The following GSG1L variants were observed in gnomAD, a reference collection of about 807,000 sequenced individuals.
GSG1L encodes GSG1 like.
Under a neutral mutation model 42.1 loss-of-function variants are expected in GSG1L, and 24 were observed. The ratio of observed to expected loss-of-function variants is 0.57; its 90% CI spans 0.41 to 0.80. The LOEUF (loss-of-function observed/expected upper bound fraction) is 0.80, where lower values mean the gene tolerates loss of function less well. GSG1L is among the 30% of genes least tolerant of loss of function. The probability of loss-of-function intolerance (pLI) is 0.00; values close to 1 mark genes in which losing one functional copy is unlikely to be tolerated. For synonymous variants in GSG1L, 215 were observed against 203.5 expected (o/e 1.06, Z -0.48); for missense variants, 445 against 472.2 (o/e 0.94, Z 0.53).
In GSG1L at chr16:27,789,295, GGTT is replaced by G; in HGVS notation, c.*2072_*2074del. 1 of 152,262 alleles carries G rather than the reference GGTT, an allele frequency of 6.6e-6. No homozygotes were observed. Among genetic ancestry groups the G allele is most frequent in the South Asian group, 2.1e-4 (1 of 4,820 alleles). The allele number at this position is 152,262 out of a possible 1,614,324, so 9.4% of individuals were successfully genotyped here. On this transcript the variant is annotated 3_prime_UTR_variant, in exon 7 of 7. Transcript: ENST00000447459. Reference sequence around the variant, plus strand: ...AGAAATGGATAATGGATGGATGGATGGTTGATGGATAATGGGCAGATGGAGGGA... The same window carrying G: ...AGAAATGGATAATGGATGGATGGATGGATGGATAATGGGCAGATGGAGGGA...
chr16:27,834,768 C>T (rs2083305666), intron 4 of GSG1L, among the ~76,000 whole-genome samples: 1 of 152,158 alleles, frequency 6.6e-6, no homozygotes, highest in Non-Finnish European at 1.5e-5. Context: ...CAGCAACATC[C>T]TCTGTTTCAT....
chr16:27,819,315 C>T (rs953517203), intron 5 of GSG1L, among the ~76,000 whole-genome samples: 2 of 151,946 alleles, frequency 1.3e-5, no homozygotes, highest in Non-Finnish European at 2.9e-5. Context: ...TTTCTAGAAT[C>T]GCATGGGTTA....
At chr16:27,996,844 T>C (rs544067308) in intron 1 of GSG1L, among the ~76,000 whole-genome samples, 283 of 152,362 alleles carry the variant, frequency 1.9e-3, no homozygotes, top group Middle Eastern at 6.8e-3. Flanking sequence ...CACTGCAGCC[T>C]CTGCCTCCCA....
intron 3 of GSG1L, among the ~76,000 whole-genome samples, chr16:27,854,488 G>C (rs1795997126): frequency 6.6e-6 from 1 of 152,158 alleles, no homozygotes; most frequent in Non-Finnish European, 1.5e-5. Context: ...ACATCCCCTG[G>C]GAGCCACAGG....
At chr16:28,036,275 C>T (rs540108697) in intron 1 of GSG1L, among the ~76,000 whole-genome samples, 73 of 152,316 alleles carry the variant, frequency 4.8e-4, no homozygotes, top group African/African-American at 1.6e-3. Context: ...CCCGAAGCTG[C>T]CTGAGGCCCC....
rs2082731716 is a variant in GSG1L at position 27,789,739 on chromosome 16, T to C, written c.*1631A>G. The C allele has an allele frequency of 1.4e-5, 2 of 146,088 alleles. No homozygotes were observed. The highest frequency in any genetic ancestry group is 4.4e-4 in the South Asian group (2 of 4,546). The allele number at this position is 146,088 out of a possible 1,614,324, so 9.0% of individuals were successfully genotyped here. A position where few individuals can be genotyped will look rare whatever the true frequency, so the allele number is the denominator to read the frequency against. On this transcript the variant is annotated 3_prime_UTR_variant, in exon 7 of 7. Transcript: ENST00000447459. ...GGATGATGGATGGATGGATGATGGATAGATAGCTGATGAATAGGTGGGTGG... is the reference window on the plus strand; with the variant it reads ...GGATGATGGATGGATGGATGATGGACAGATAGCTGATGAATAGGTGGGTGG...
At chr16:28,049,516 A>T (rs2086199893) in intron 1 of GSG1L, among the ~76,000 whole-genome samples, 1 of 125,892 alleles carries the variant, frequency 7.9e-6, no homozygotes, top group South Asian at 2.9e-4. Context: ...CCCCACCTCT[A>T]AAAAAAAAAA....
At chr16:27,803,371 C>CT (rs1430318531) in intron 6 of GSG1L, among the ~76,000 whole-genome samples, 1 of 152,150 alleles carries the variant, frequency 6.6e-6, no homozygotes, top group Non-Finnish European at 1.5e-5. Flanking sequence ...GCCTTCCTAT[C>CT]TGGGGGGATG....
intron 1 of GSG1L, among the ~76,000 whole-genome samples, chr16:28,014,728 G>A (rs1222785353): frequency 1.4e-5 from 2 of 146,564 alleles, no homozygotes; most frequent in African/African-American, 5.1e-5. Flanking sequence ...TGAACTCCTA[G>A]GCTCAGGCAA....
intron 1 of GSG1L, among the ~76,000 whole-genome samples, chr16:28,016,320 G>T (rs2085779722): frequency 6.6e-6 from 1 of 152,176 alleles, no homozygotes; most frequent in Non-Finnish European, 1.5e-5. Flanking sequence ...GGATAAAAAT[G>T]ATCGTGATTA....
At chr16:27,983,923 C>T (rs1013140490) in intron 1 of GSG1L, among the ~76,000 whole-genome samples, 4 of 152,174 alleles carry the variant, frequency 2.6e-5, no homozygotes, top group African/African-American at 9.6e-5. Flanking sequence ...GTTTGACTCC[C>T]GCAGCAAGGT....
chr16:27,884,490 G>C lies in GSG1L; in HGVS notation c.546C>G (p.Leu182=). Residue 182 remains leucine (L), a synonymous_variant, in exon 3 of 7, where the codon CTC becomes CTG. Transcript: ENST00000447459. This position sits in a 1 kb window ranked among gnomAD's most constrained non-coding sequence, Gnocchi z 4.4. ...LNAFAAVFTV[L]SGLLGMVAHM... The stretch of plus-strand genomic sequence containing the variant: ...ACAGGACCAGCCATGCCTTACCTGA[G>C]AGCACCGTGAAGACAGCCGCGAAGG... 1.2e-6 allele frequency: 2 copies of C among 1,613,422 alleles called. No homozygotes were observed. The highest frequency in any genetic ancestry group is 1.1e-5 in the South Asian group (1 of 90,930).
chr16:28,018,347 TCTC>T (rs1222676074), intron 1 of GSG1L, among the ~76,000 whole-genome samples: 2 of 152,200 alleles, frequency 1.3e-5, no homozygotes, highest in East Asian at 3.9e-4. Context: ...CTCTGAGACT[TCTC>T]CTAGAGGCAC....
intron 3 of GSG1L, among the ~76,000 whole-genome samples, chr16:27,868,439 CG>C (rs940292205): frequency 2.0e-5 from 3 of 152,218 alleles, no homozygotes; most frequent in Non-Finnish European, 4.4e-5. Context: ...GCCGTAAATA[CG>C]GCAAGGCCAT....
At chr16:27,946,625 G>GAA (rs2084870730) in intron 2 of GSG1L, among the ~76,000 whole-genome samples, 15 of 39,232 alleles carry the variant, frequency 3.8e-4, no homozygotes, top group East Asian at 1.1e-3. Flanking sequence ...GAGAGAGAGA[G>GAA]AGAGAGAAAG....
At chr16:27,997,467 C>A (rs1324806504) in intron 1 of GSG1L, among the ~76,000 whole-genome samples, 1 of 151,390 alleles carries the variant, frequency 6.6e-6, no homozygotes, top group Non-Finnish European at 1.5e-5. Flanking sequence ...TTACATGTGC[C>A]CACCATCATG....
intron 4 of GSG1L, among the ~76,000 whole-genome samples, chr16:27,843,510 A>T (rs913938526): frequency 1.8e-4 from 27 of 150,826 alleles, no homozygotes; most frequent in African/African-American, 6.1e-4. Context: ...TCTGTAAAAA[A>T]AAAAAAAAAA....
intron 2 of GSG1L, among the ~76,000 whole-genome samples, chr16:27,937,888 C>G (rs1316499666): frequency 6.6e-6 from 1 of 152,104 alleles, no homozygotes; most frequent in Admixed American, 6.5e-5. Flanking sequence ...TCCCTTGACG[C>G]CTCTACACAT....
At chr16:28,037,834 C>G (rs1218537764) in intron 1 of GSG1L, among the ~76,000 whole-genome samples, 5 of 152,204 alleles carry the variant, frequency 3.3e-5, no homozygotes, top group African/African-American at 1.2e-4. Context: ...TACATTTTTC[C>G]ATCTAATATT....
Sources: gnomAD v4.1 joint callset for allele counts (sites outside exome capture counted in the v4.1 genomes callset) on GRCh38, gnomAD v4.1.1 for gene constraint, Gnocchi (gnomAD v3.1) non-coding constraint, MANE v1.5 for transcripts, NCBI Gene and HGNC (gene_info 2026-07-23, HGNC 2026-07-21) for gene names.